The following PRKG1 variants were observed in gnomAD, a reference collection of about 807,000 sequenced individuals.
PRKG1 encodes cGMP-dependent protein kinase 1.
Under a neutral mutation model 88.1 loss-of-function variants are expected in PRKG1, and 35 were observed. The ratio of observed to expected loss-of-function variants is 0.40; its 90% CI spans 0.30 to 0.53. PRKG1 has a LOEUF of 0.53. Among genes scored for constraint, PRKG1 ranks in the 20% least tolerant of loss-of-function variants. The pLI is 0.59. For synonymous variants in PRKG1, 303 were observed against 292.5 expected (o/e 1.04, Z -0.37); for missense variants, 540 against 839.8 (o/e 0.64, Z 4.41).
rs1344696673 is a variant in PRKG1, at chr10:51,961,564, T to C, written c.762+53994T>C. Among the ~76,000 whole-genome samples, 6 of 152,306 alleles carry C rather than the reference T, an allele frequency of 3.9e-5. No homozygotes were observed. In the South Asian group the frequency reaches 6.2e-4, roughly 16 times the overall value. ...AACACACACCCAGAAAGGTACACAG[T>C]AGAGATGGATGTGGTAAAGTACAAA... On this transcript the variant is annotated intron_variant, in intron 5 of 17. Coordinates refer to ENST00000373980, the MANE Select transcript of PRKG1 (RefSeq NM_006258.4).
At chr10:52,227,657 T>G (rs10508963) in intron 9 of PRKG1, among the ~76,000 whole-genome samples, 2 of 152,048 alleles carry the variant, frequency 1.3e-5, no homozygotes, top group Non-Finnish European at 2.9e-5. Flanking sequence ...GATGACTGTA[T>G]GTTCTATTCA....
At chr10:52,151,491 A>C (rs1403784500) in intron 8 of PRKG1, among the ~76,000 whole-genome samples, 1 of 152,216 alleles carries the variant, frequency 6.6e-6, no homozygotes, top group Admixed American at 6.5e-5. Flanking sequence ...AAATTAATTA[A>C]ACATATGTGA....
intron 1 of PRKG1, among the ~76,000 whole-genome samples, chr10:51,013,908 G>A (rs561588204): frequency 4.6e-5 from 7 of 152,084 alleles, no homozygotes; most frequent in South Asian, 2.1e-4. Flanking sequence ...GTTTTAAATC[G>A]TCTTAATCGA....
chr10:51,902,665 A>G (rs1290494300), intron 4 of PRKG1, among the ~76,000 whole-genome samples: 1 of 152,180 alleles, frequency 6.6e-6, no homozygotes, highest in Non-Finnish European at 1.5e-5. Context: ...GACTAGTAAG[A>G]GCACAGTAGA....
intron 5 of PRKG1, among the ~76,000 whole-genome samples, chr10:51,953,951 G>T (rs772657726): frequency 3.6e-4 from 55 of 152,074 alleles, no homozygotes; most frequent in Non-Finnish European, 6.0e-4. Context: ...TGAGCAAAAT[G>T]AGGCATTTAT....
At chr10:51,509,324 G>T (rs1225777970) in intron 3 of PRKG1, among the ~76,000 whole-genome samples, 1 of 152,134 alleles carries the variant, frequency 6.6e-6, no homozygotes, top group East Asian at 1.9e-4. Flanking sequence ...ACTAATTTTT[G>T]AATGTGTTAC....
chr10:52,121,436 A>G (rs1847818253), intron 7 of PRKG1, among the ~76,000 whole-genome samples: 1 of 152,110 alleles, frequency 6.6e-6, no homozygotes, highest in Non-Finnish European at 1.5e-5. Context: ...AGTTTTCCAA[A>G]TCTTTCTATT....
chr10:51,746,402 A>G (rs375768183), intron 3 of PRKG1, among the ~76,000 whole-genome samples: 8 of 152,078 alleles, frequency 5.3e-5, no homozygotes, highest in East Asian at 3.9e-4. Context: ...CTTGGACTCA[A>G]GCTCTCCCTA....
chr10:52,027,469 A>T (rs187820377), intron 5 of PRKG1, among the ~76,000 whole-genome samples: 13 of 152,338 alleles, frequency 8.5e-5, no homozygotes, highest in Admixed American at 7.2e-4. Context: ...TGGGATATAT[A>T]CTTTTATACA....
At chr10:51,327,532 C>G (rs2132521518) in intron 2 of PRKG1, among the ~76,000 whole-genome samples, 1 of 151,990 alleles carries the variant, frequency 6.6e-6, no homozygotes, top group Non-Finnish European at 1.5e-5. Context: ...CACGTACAGA[C>G]ATGTGTCACT....
At chr10:51,754,759 CTT>C (rs1217062384) in intron 3 of PRKG1, among the ~76,000 whole-genome samples, 3 of 152,146 alleles carry the variant, frequency 2.0e-5, no homozygotes, top group Non-Finnish European at 2.9e-5. Context: ...TTCAAAGTAA[CTT>C]TTAGGTTAGA....
At chr10:51,407,723 A>G (rs1378422212) in intron 2 of PRKG1, among the ~76,000 whole-genome samples, 1 of 152,148 alleles carries the variant, frequency 6.6e-6, no homozygotes, top group African/African-American at 2.4e-5. Context: ...TCCTGCCTGG[A>G]TTGAACTGTT....
intron 9 of PRKG1, among the ~76,000 whole-genome samples, chr10:52,185,526 A>G (rs1839175040): frequency 6.6e-6 from 1 of 152,096 alleles, no homozygotes. Context: ...CTTCTGGGAT[A>G]TGGAGGGTGG....
At chr10:52,249,008 G>A (rs1012852585) in intron 9 of PRKG1, among the ~76,000 whole-genome samples, 6 of 9,522 alleles carry the variant, frequency 6.3e-4, no homozygotes, top group Admixed American at 5.9e-3. Context: ...TTCTCCCCCC[G>A]CCTCCTTCCC....
intron 10 of PRKG1, among the ~76,000 whole-genome samples, chr10:52,259,280 C>T (rs1841379288): frequency 6.6e-6 from 1 of 152,034 alleles, no homozygotes; most frequent in Admixed American, 6.6e-5. Context: ...ATCATAATTT[C>T]TCTTCTGACA....
chr10:52,047,527 G>T (rs1845890821), intron 5 of PRKG1, among the ~76,000 whole-genome samples: 1 of 152,086 alleles, frequency 6.6e-6, no homozygotes, highest in African/African-American at 2.4e-5. Context: ...GATAGCAATG[G>T]TGAGAATTTT....
intron 3 of PRKG1, among the ~76,000 whole-genome samples, chr10:51,748,816 A>G (rs904573045): frequency 1.3e-5 from 2 of 152,228 alleles, no homozygotes; most frequent in Non-Finnish European, 2.9e-5. Flanking sequence ...GTAACCAAAC[A>G]TATGTAACAC....
intron 3 of PRKG1, among the ~76,000 whole-genome samples, chr10:51,505,997 T>G (rs1431344650): frequency 6.6e-6 from 1 of 152,278 alleles, no homozygotes; most frequent in East Asian, 1.9e-4. Flanking sequence ...TCTTGGTTAT[T>G]TCTTGCCTTC....
At chr10:52,224,838 T>TATATATAC (rs1172536011) in intron 9 of PRKG1, among the ~76,000 whole-genome samples, 16 of 135,860 alleles carry the variant, frequency 1.2e-4, no homozygotes, top group African/African-American at 4.6e-4. Context: ...TATATATATA[T>TATATATAC]ACATACATAC....
Sources: gnomAD v4.1 joint callset for allele counts (sites outside exome capture counted in the v4.1 genomes callset) on GRCh38, gnomAD v4.1.1 for gene constraint, MANE v1.5 for transcripts, NCBI Gene and HGNC (gene_info 2026-07-23, HGNC 2026-07-21) for gene names.